The following PINX1 variants were observed in gnomAD, a reference collection of about 807,000 sequenced individuals.
PINX1 encodes the protein PIN2 (TERF1) interacting telomerase inhibitor 1, also known as PIN2/TERF1-interacting telomerase inhibitor 1.
In PINX1, 34 loss-of-function variants were observed where a neutral mutation model predicts 25.4. The observed-to-expected ratio is 1.34, with a 90% CI of 1.02 to 1.78. PINX1 has a LOEUF of 1.78. PINX1 is among the 40% of genes most tolerant of loss of function. The pLI is 0.00. For synonymous variants in PINX1, 197 were observed against 147.7 expected (o/e 1.33, Z -2.42); for missense variants, 592 against 404.9 (o/e 1.46, Z -3.97).
In PINX1 at chr8:10,831,738, G is replaced by A. The variant is rs778311098; in HGVS notation, c.228C>T (p.Asn76=). The A allele has an allele frequency of 1.9e-6, 3 of 1,581,796 alleles. No individual in the cohort carries two copies. The highest frequency in any genetic ancestry group is 2.6e-6 in the Non-Finnish European group (3 of 1,158,488). Residue 76 remains asparagine, a synonymous_variant, in exon 4 of 7, where the codon AAC becomes AAT. Transcript: ENST00000314787. ...TAAAATCATCCTGATGGGCAATCCA[G>A]TTGTCCTGAAAATATCAAAGAAATG... is the stretch of plus-strand genomic sequence containing the variant. The part of the protein sequence containing the change: ...GLGATINNED[N]WIAHQDDFNQ...
rs1365893397 is a variant in PINX1 at position 10,829,119 on chromosome 8, C to CTATTAAAAA, written c.301+2537_301+2545dup. ...TGACCAACATGGTGAAACCCCGTCT[C>CTATTAAAAA]TATTAAAAATACAAAAATTAGCCAG... is the stretch of plus-strand genomic sequence containing the variant. On this transcript the variant is annotated intron_variant, in intron 4 of 6. Coordinates refer to ENST00000314787, the MANE Select transcript of PINX1 (RefSeq NM_017884.6). Among the ~76,000 whole-genome samples the CTATTAAAAA allele has an allele frequency of 1.6e-4, 25 of 152,052 alleles. No homozygotes were observed. The East Asian group carries it at 4.7e-3, about 28-fold the overall frequency.
At chr8:10,807,890 C>T (rs1396777190) in intron 6 of PINX1, among the ~76,000 whole-genome samples, 1 of 152,008 alleles carries the variant, frequency 6.6e-6, no homozygotes, top group Non-Finnish European at 1.5e-5. Flanking sequence ...CTGAGGGAGC[C>T]GGGAGGTGGA....
chr8:10,775,425 T>TTTTTTTTTTTTTTTTTTTTTTTTTTTTTG (rs1563203289), intron 6 of PINX1, among the ~76,000 whole-genome samples: 2 of 140,592 alleles, frequency 1.4e-5, no homozygotes, highest in African/African-American at 5.2e-5. Context: ...TTTTTTTTTT[T>TTTTTTTTTTTTTTTTTTTTTTTTTTTTTG]TTTTTTTTTT....
chr8:10,768,560 G>C (rs6989072), intron 6 of PINX1, among the ~76,000 whole-genome samples: 39,157 of 152,140 alleles, frequency 0.26, 5,149 homozygotes, highest in Middle Eastern at 0.33. Context: ...AGGCTAGAGA[G>C]GGGCCAGCAC....
intron 1 of PINX1, among the ~76,000 whole-genome samples, chr8:10,835,670 T>C (rs1798384806): frequency 6.6e-6 from 1 of 152,178 alleles, no homozygotes; most frequent in Non-Finnish European, 1.5e-5. Flanking sequence ...TCATGTCTTT[T>C]TTCTGAGGCT....
At chr8:10,822,577 T>C (rs1172969780) in intron 5 of PINX1, among the ~76,000 whole-genome samples, 1 of 152,192 alleles carries the variant, frequency 6.6e-6, no homozygotes, top group Non-Finnish European at 1.5e-5. Context: ...TGTCTAATAA[T>C]CATGATTATC....
chr8:10,784,965 C>A (rs575658918), intron 6 of PINX1, among the ~76,000 whole-genome samples: 1 of 152,340 alleles, frequency 6.6e-6, no homozygotes, highest in African/African-American at 2.4e-5. Flanking sequence ...CCTAGAGGCT[C>A]AGGTGGCTTC....
intron 6 of PINX1, among the ~76,000 whole-genome samples, chr8:10,802,440 T>A (rs1302097890): frequency 6.6e-6 from 1 of 152,320 alleles, no homozygotes; most frequent in Admixed American, 6.5e-5. Flanking sequence ...AATTTGGATA[T>A]CCCAGGCCTG....
intron 6 of PINX1, among the ~76,000 whole-genome samples, chr8:10,794,771 G>A (rs1433530872): frequency 6.6e-6 from 1 of 152,108 alleles, no homozygotes; most frequent in Non-Finnish European, 1.5e-5. Flanking sequence ...GTTCAAATTA[G>A]ACTTTTACGG....
intron 6 of PINX1, among the ~76,000 whole-genome samples, chr8:10,815,528 G>A (rs761142395): frequency 6.6e-6 from 1 of 152,038 alleles, no homozygotes; most frequent in Non-Finnish European, 1.5e-5. Context: ...TAAATGCATA[G>A]TCTTAGATTT....
At chr8:10,788,265 T>C (rs759746352) in intron 6 of PINX1, among the ~76,000 whole-genome samples, 1 of 152,140 alleles carries the variant, frequency 6.6e-6, no homozygotes, top group Non-Finnish European at 1.5e-5. Context: ...GCAACAGTTT[T>C]AAAAAGTGAA....
intron 6 of PINX1, chr8:10,787,912 CT>C (rs1801801939): frequency 2.4e-6 from 1 of 411,958 alleles, no homozygotes; most frequent in Non-Finnish European, 4.8e-6. Flanking sequence ...ATATACAGAC[CT>C]TGTTAGATTC....
At chr8:10,810,353 G>A (rs1023184943) in intron 6 of PINX1, among the ~76,000 whole-genome samples, 2 of 152,116 alleles carry the variant, frequency 1.3e-5, no homozygotes, top group South Asian at 2.1e-4. Flanking sequence ...GGGACAAGTC[G>A]TGGCTCATGC....
At chr8:10,790,373 A>C (rs1271095151) in intron 6 of PINX1, among the ~76,000 whole-genome samples, 4 of 152,206 alleles carry the variant, frequency 2.6e-5, no homozygotes, top group Non-Finnish European at 5.9e-5. Flanking sequence ...GCATCAGGTC[A>C]GATGTGGAGG....
chr8:10,805,413 G>T (rs1249946682), intron 6 of PINX1, among the ~76,000 whole-genome samples: 6 of 152,398 alleles, frequency 3.9e-5, no homozygotes, highest in African/African-American at 1.2e-4. Context: ...AGTACTCGAA[G>T]ATTGATGCTT....
chr8:10,825,045 C>G (rs891060882), intron 5 of PINX1, among the ~76,000 whole-genome samples: 1 of 152,182 alleles, frequency 6.6e-6, no homozygotes, highest in Admixed American at 6.5e-5. Flanking sequence ...AGAGCCACGG[C>G]TGCTGGAGAG....
intron 6 of PINX1, among the ~76,000 whole-genome samples, chr8:10,797,222 A>G (rs952364767): frequency 2.0e-5 from 3 of 152,194 alleles, no homozygotes; most frequent in Admixed American, 2.0e-4. Context: ...CAGCTTCCTC[A>G]TGAGTAGTTC....
At chr8:10,789,871 T>C (rs936376392) in intron 6 of PINX1, among the ~76,000 whole-genome samples, 2 of 152,202 alleles carry the variant, frequency 1.3e-5, no homozygotes, top group Non-Finnish European at 2.9e-5. Flanking sequence ...TTCTTCCTAA[T>C]GTACTATGTA....
chr8:10,795,113 G>C (rs905168111), intron 6 of PINX1, among the ~76,000 whole-genome samples: 1 of 152,214 alleles, frequency 6.6e-6, no homozygotes, highest in African/African-American at 2.4e-5. Context: ...CTTTATAAAT[G>C]CAAAATTCTA....
Sources: allele counts gnomAD v4.1 joint callset (sites outside exome capture counted in the v4.1 genomes callset), GRCh38; gene constraint gnomAD v4.1.1; transcripts MANE v1.5; gene names NCBI Gene and HGNC (gene_info 2026-07-23, HGNC 2026-07-21).